Variants in SLCO1A2 observed in about 807,000 individuals in gnomAD.
SLCO1A2 encodes solute carrier organic anion transporter family member 1A2.
In SLCO1A2, 67 loss-of-function variants were observed where a neutral mutation model predicts 69.0. That is an observed-to-expected ratio of 0.97 (90% CI 0.80 to 1.19). The LOEUF (loss-of-function observed/expected upper bound fraction) is 1.19. SLCO1A2 is among the 50% of genes most tolerant of loss of function. The pLI is 0.00. For missense variants in SLCO1A2, 787 were observed against 793.7 expected (o/e 0.99, Z 0.10); for synonymous variants, 260 against 265.9 (o/e 0.98, Z 0.22).
At chr12:21,274,220 C>T (rs377423706) in intron 14 of SLCO1A2, 28 of 364,100 alleles carry the variant, frequency 7.7e-5, no homozygotes, top group African/African-American at 1.6e-4. Flanking sequence ...AAGAATTTAA[C>T]GAACAACACT....
intron 2 of SLCO1A2, among the ~76,000 whole-genome samples, chr12:21,330,213 C>T (rs1175028073): frequency 6.6e-6 from 1 of 152,068 alleles, no homozygotes; most frequent in Non-Finnish European, 1.5e-5. Context: ...CTTAAAAAGG[C>T]CAGACACCAT....
chr12:21,286,951 C>A lies in SLCO1A2; in HGVS notation c.1610+5213G>T, dbSNP rs1273141189. Among the ~76,000 whole-genome samples, 3 of 146,936 alleles carry A rather than the reference C, an allele frequency of 2.0e-5. No homozygotes were observed. In the Admixed American group the frequency reaches 2.1e-4, roughly 10 times the overall value. On this transcript the variant is annotated intron_variant, in intron 12 of 14. Coordinates refer to ENST00000683939, the MANE Select transcript of SLCO1A2 (RefSeq NM_001386879.1). Reference sequence around the variant, plus strand: ...TTACCATTCAGGACATAGGTGTGGGCAAGGACTTCATGTCCAAAACACCAA... The same window carrying A: ...TTACCATTCAGGACATAGGTGTGGGAAAGGACTTCATGTCCAAAACACCAA...
rs1407122924 is a variant in SLCO1A2 at position 21,353,700 on chromosome 12, G to A, written c.-62-18991C>T. Among the ~76,000 whole-genome samples the A allele has an allele frequency of 2.0e-5, 3 of 152,160 alleles. No homozygotes were observed. The East Asian group carries it at 5.8e-4, about 29-fold the overall frequency. ...CAGCATGAAAGGGACCAGGCAGCAG[G>A]GCCAAGCAGTTGCAGATCTGTGTGG... On this transcript the variant is annotated intron_variant, in intron 2 of 15. Coordinates refer to the SLCO1A2 transcript ENST00000307378.
rs550856795 is a variant in SLCO1A2 at position 21,331,127 on chromosome 12, C to T, written c.60+3461G>A. The stretch of plus-strand genomic sequence containing the variant: ...CTCTGAATTAGACAAAAATAATTTA[C>T]CTTTGAATAAGAACACTTTAGACCT... On this transcript the variant is annotated intron_variant, in intron 2 of 14. Transcript: ENST00000683939. Among the ~76,000 whole-genome samples, 3 of 152,048 alleles carry T rather than the reference C, an allele frequency of 2.0e-5. No individual in the cohort carries two copies. The East Asian group carries it at 5.8e-4, about 29-fold the overall frequency.
At chr12:21,349,514 G>A (rs975089592) in intron 2 of SLCO1A2, among the ~76,000 whole-genome samples, 3 of 152,088 alleles carry the variant, frequency 2.0e-5, no homozygotes, top group Admixed American at 6.6e-5. Context: ...CTCCCCATAC[G>A]TATCCTTGCT....
At chr12:21,382,568 T>TG (rs2137127494) in intron 1 of SLCO1A2, among the ~76,000 whole-genome samples, 1 of 151,826 alleles carries the variant, frequency 6.6e-6, no homozygotes, top group South Asian at 2.1e-4. Context: ...GAGGCCGAGG[T>TG]GGGCGGATCA....
In SLCO1A2 at chr12:21,293,983, C is replaced by A. The variant is rs759319461; in HGVS notation, c.1399G>T (p.Ala467Ser). The part of the protein sequence containing the change: ...NGLSYLSACL[A>S]GCETSIGTGI... ...GTTCCAATGGATGTCTCACAACCAG[C>A]AAGACAAGCTGACAGATATGACAAG... The change falls in exon 11 of 15, where the codon GCT becomes TCT. Residue 467 changes from alanine to serine, a missense_variant. By Grantham distance (99) the Ala-to-Ser change is moderately conservative (BLOSUM62 1). Coordinates refer to ENST00000683939, the MANE Select transcript of SLCO1A2 (RefSeq NM_001386879.1). 6.2e-7 allele frequency: 1 copy of A among 1,612,088 alleles called. No individual in the cohort carries two copies. The highest frequency in any genetic ancestry group is 8.5e-7 in the Non-Finnish European group (1 of 1,179,176).
intron 1 of SLCO1A2, among the ~76,000 whole-genome samples, chr12:21,380,451 C>T (rs577282463): frequency 7.2e-4 from 109 of 152,264 alleles, no homozygotes; most frequent in Non-Finnish European, 1.4e-3. Flanking sequence ...TATATGGATA[C>T]AGCAGATATT....
chr12:21,275,935 C>G (rs1377590162), intron 12 of SLCO1A2, among the ~76,000 whole-genome samples: 1 of 149,138 alleles, frequency 6.7e-6, no homozygotes, highest in African/African-American at 2.5e-5. Flanking sequence ...GAGCTACACT[C>G]CATCTCAAAA....
intron 4 of SLCO1A2, among the ~76,000 whole-genome samples, chr12:21,307,480 C>T (rs1338279441): frequency 3.3e-5 from 5 of 152,076 alleles, no homozygotes; most frequent in African/African-American, 1.2e-4. Flanking sequence ...TTTCATAAAC[C>T]CCTAAAAAAA....
intron 2 of SLCO1A2, among the ~76,000 whole-genome samples, chr12:21,362,272 A>G (rs1938966831): frequency 6.6e-6 from 1 of 152,190 alleles, no homozygotes; most frequent in African/African-American, 2.4e-5. Context: ...AGAATTTTCA[A>G]CCCAGAATTT....
intron 14 of SLCO1A2, among the ~76,000 whole-genome samples, chr12:21,272,273 A>G (rs1344908891): frequency 6.6e-6 from 1 of 151,892 alleles, no homozygotes; most frequent in Non-Finnish European, 1.5e-5. Context: ...TTTATACAGA[A>G]TATACATTTA....
intron 2 of SLCO1A2, among the ~76,000 whole-genome samples, chr12:21,320,746 A>G (rs1237474170): frequency 6.6e-6 from 1 of 152,028 alleles, no homozygotes; most frequent in African/African-American, 2.4e-5. Context: ...TGATCCGCCC[A>G]CCTTGGCCTC....
rs1337578090 is a variant in SLCO1A2 at position 21,307,352 on chromosome 12, TA to T, written c.336-365del. Among the ~76,000 whole-genome samples, 127 of 152,310 alleles carry T rather than the reference TA, an allele frequency of 8.3e-4. 1 individual carries two copies. The highest frequency in any genetic ancestry group is 2.9e-3 in the African/African-American group (122 of 41,566). ...ATTCAATAATGCATAATTAAGAAGA[TA>T]AATGCTTTGGAAGGAATAACAACAA... is the stretch of plus-strand genomic sequence containing the variant. On this transcript the variant is annotated intron_variant, in intron 4 of 14. Coordinates refer to ENST00000683939, the MANE Select transcript of SLCO1A2 (RefSeq NM_001386879.1).
At chr12:21,300,035 T>TAG (rs1565482772) in intron 8 of SLCO1A2, among the ~76,000 whole-genome samples, 18 of 143,420 alleles carry the variant, frequency 1.3e-4, no homozygotes, top group African/African-American at 3.8e-4. Flanking sequence ...TATATGTGTG[T>TAG]ATATATATAT....
intron 8 of SLCO1A2, among the ~76,000 whole-genome samples, chr12:21,299,833 T>C (rs11045949): frequency 2.2e-4 from 31 of 142,654 alleles, no homozygotes; most frequent in African/African-American, 6.4e-4. Flanking sequence ...TACACACACA[T>C]ATATGTGTAT....
intron 2 of SLCO1A2, among the ~76,000 whole-genome samples, chr12:21,361,866 A>G (rs1405719682): frequency 6.6e-6 from 1 of 152,280 alleles, no homozygotes; most frequent in African/African-American, 2.4e-5. Flanking sequence ...AAAGAAATGA[A>G]CAAAGCCTCC....
Position 21,354,721 on chromosome 12 carries a change from T to C in SLCO1A2, c.-63+19678A>G, listed in dbSNP as rs192814676. ...TTTCTGTTTTTTAGCCTTCATCCTA[T>C]GTTATTTATCTTTATCATGTAACAC... On this transcript the variant is annotated intron_variant, in intron 2 of 15. Transcript: ENST00000307378. Among the ~76,000 whole-genome samples the C allele has an allele frequency of 5.1e-3, 778 of 152,324 alleles. 3 individuals are homozygous for C. The highest frequency in any genetic ancestry group is 9.7e-3 in the Non-Finnish European group (662 of 68,026).
intron 1 of SLCO1A2, among the ~76,000 whole-genome samples, chr12:21,375,409 A>C (rs962952170): frequency 6.6e-6 from 1 of 152,210 alleles, no homozygotes; most frequent in Admixed American, 6.5e-5. Flanking sequence ...TATGGGGAAA[A>C]TGTGTCAAAT....
Sources: gnomAD v4.1 joint callset for allele counts (sites outside exome capture counted in the v4.1 genomes callset) on GRCh38, gnomAD v4.1.1 for gene constraint, MANE v1.5 for transcripts, NCBI Gene and HGNC (gene_info 2026-07-23, HGNC 2026-07-21) for gene names.